Variants in WDPCP observed in about 807,000 individuals in gnomAD.
The protein encoded by WDPCP is WD repeat-containing and planar cell polarity effector protein fritz homolog.
A neutral mutation model predicts 93.1 loss-of-function variants in WDPCP; 71 were observed. The ratio of observed to expected loss-of-function variants is 0.76; its 90% CI spans 0.63 to 0.93. The LOEUF is 0.93. Among genes scored for constraint, WDPCP ranks in the 40% least tolerant of loss-of-function variants. The pLI, the probability that WDPCP is intolerant of heterozygous loss-of-function variation, is 0.00. For synonymous variants in WDPCP, 315 were observed against 315.0 expected, an observed-to-expected ratio of 1.00 and a Z score of 0.00; for missense variants, 844 against 887.4, an observed-to-expected ratio of 0.95 and a Z score of 0.62.
At chr2:63,708,622 G>A (rs963833612) in intron 2 of WDPCP, among the ~76,000 whole-genome samples, 1 of 152,076 alleles carries the variant, frequency 6.6e-6, no homozygotes, top group Non-Finnish European at 1.5e-5. Context: ...ACGGTGCACT[G>A]CACCCACTGT....
At chr2:63,437,620 G>T in intron 7 of WDPCP, 66 bp from the exon 8 acceptor site, 1 of 1,407,270 alleles carries the variant, frequency 7.1e-7, no homozygotes, top group Non-Finnish European at 9.7e-7. Flanking sequence ...CCACTGATAT[G>T]TTACAAAAAG....
chr2:63,403,221 A>G (rs574391342), intron 10 of WDPCP, among the ~76,000 whole-genome samples: 1 of 152,330 alleles, frequency 6.6e-6, no homozygotes, highest in African/African-American at 2.4e-5. Context: ...GAGCTAAATG[A>G]TAAAAACTTA....
chr2:63,426,684 C>A (rs1266455175), intron 9 of WDPCP, among the ~76,000 whole-genome samples: 1 of 152,174 alleles, frequency 6.6e-6, no homozygotes, highest in African/African-American at 2.4e-5. Flanking sequence ...GCTAGTAACA[C>A]AATGACAGCA....
chr2:63,759,326 C>T (rs1412444398), intron 2 of WDPCP, among the ~76,000 whole-genome samples: 2 of 152,102 alleles, frequency 1.3e-5, no homozygotes, highest in East Asian at 3.9e-4. Flanking sequence ...TGTATGGAGG[C>T]AGTAAGCTGG....
chr2:63,352,796 G>C (rs1689726888), intron 12 of WDPCP, among the ~76,000 whole-genome samples: 1 of 152,172 alleles, frequency 6.6e-6, no homozygotes, highest in Non-Finnish European at 1.5e-5. Flanking sequence ...TTCTCTACTT[G>C]AGGGTGCAAG....
chr2:63,750,261 A>C (rs753721242), intron 2 of WDPCP, among the ~76,000 whole-genome samples: 2 of 152,058 alleles, frequency 1.3e-5, no homozygotes, highest in Non-Finnish European at 2.9e-5. Context: ...CTTGCCTCAC[A>C]ATTTTGCCTA....
rs1047773832 is a variant in WDPCP at position 63,764,737 on chromosome 2, C to T, written n.308+48885G>A. Among the ~76,000 whole-genome samples the T allele has an allele frequency of 4.6e-5, 7 of 152,144 alleles. No homozygotes were observed. In the East Asian group the frequency reaches 7.7e-4, roughly 17 times the overall value. On this transcript the variant is annotated intron_variant and non_coding_transcript_variant, in intron 2 of 4. Transcript: ENST00000467687. Reference sequence around the variant, plus strand: ...TTTATTTAGGGGATGGACCGAGAGGCTTCCTGAGGAGAAAATCTATTTTAA... The same window carrying T: ...TTTATTTAGGGGATGGACCGAGAGGTTTCCTGAGGAGAAAATCTATTTTAA...
chr2:63,232,278 C>T (rs1678977618), intron 14 of WDPCP, among the ~76,000 whole-genome samples: 1 of 152,214 alleles, frequency 6.6e-6, no homozygotes, highest in South Asian at 2.1e-4. Flanking sequence ...TGGCCAAGGA[C>T]TTTGAGACAA....
chr2:63,149,386 A>T (rs1671746623), intron 17 of WDPCP, among the ~76,000 whole-genome samples: 1 of 152,234 alleles, frequency 6.6e-6, no homozygotes, highest in Admixed American at 6.5e-5. Context: ...CAAGATGTGG[A>T]GAAATGGAAA....
At position 63,763,202 on chromosome 2, in the gene WDPCP, C is replaced by CA. The variant is rs796161055; in HGVS notation, n.308+50419dup. 2.6e-5 allele frequency among the ~76,000 whole-genome samples: 4 copies of CA among 152,164 alleles called. 1 individual carries two copies. Among genetic ancestry groups the CA allele is most frequent in the African/African-American group, 9.6e-5 (4 of 41,520 alleles). On this transcript the variant is annotated intron_variant and non_coding_transcript_variant, in intron 2 of 4. Coordinates refer to the WDPCP transcript ENST00000467687. The stretch of plus-strand genomic sequence containing the variant: ...TACCCTGACTGACACACAGAAAGTA[C>CA]AAAAAGGTATTTGTTGATGGTCCGG...
intron 2 of WDPCP, among the ~76,000 whole-genome samples, chr2:63,793,352 A>G (rs912737616): frequency 6.6e-6 from 1 of 152,212 alleles, no homozygotes; most frequent in Non-Finnish European, 1.5e-5. Flanking sequence ...TCACACCTGT[A>G]GTCACAACCC....
chr2:63,243,124 T>G (rs1679990985), intron 14 of WDPCP, among the ~76,000 whole-genome samples: 1 of 152,198 alleles, frequency 6.6e-6, no homozygotes, highest in African/African-American at 2.4e-5. Context: ...CATATGTCAA[T>G]CTGACTTCTC....
upstream of WDPCP, among the ~76,000 whole-genome samples, chr2:63,592,303 CAATACA>C (rs1289320844): frequency 6.6e-6 from 1 of 152,166 alleles, no homozygotes; most frequent in Non-Finnish European, 1.5e-5. Context: ...CCAGTTTTCT[CAATACA>C]TAATATATAT....
chr2:63,606,863 A>G (rs375886443), intron 3 of WDPCP: 3 of 1,609,484 alleles, frequency 1.9e-6, no homozygotes, highest in African/African-American at 2.7e-5. Context: ...TTCAAACAGA[A>G]TAAGACCTGG....
chr2:63,350,851 A>G (rs140939125), intron 12 of WDPCP, among the ~76,000 whole-genome samples: 2 of 152,270 alleles, frequency 1.3e-5, no homozygotes, highest in African/African-American at 4.8e-5. Flanking sequence ...GCCAATTTAT[A>G]TACTTTTTAG....
At chr2:63,231,678 A>C (rs1288190834) in intron 14 of WDPCP, among the ~76,000 whole-genome samples, 1 of 152,212 alleles carries the variant, frequency 6.6e-6, no homozygotes, top group Non-Finnish European at 1.5e-5. Flanking sequence ...ATGAAATAAA[A>C]GAGGACACAA....
At chr2:63,283,997 A>G (rs1398713470) in intron 13 of WDPCP, among the ~76,000 whole-genome samples, 1 of 152,252 alleles carries the variant, frequency 6.6e-6, no homozygotes, top group African/African-American at 2.4e-5. Flanking sequence ...CAGTCAAAAA[A>G]GAAAATATAT....
chr2:63,387,675 T>G (rs1001483009), intron 10 of WDPCP, among the ~76,000 whole-genome samples: 1 of 151,934 alleles, frequency 6.6e-6, no homozygotes, highest in Non-Finnish European at 1.5e-5. Flanking sequence ...ATAGAAGACA[T>G]GAAGTCAAAC....
intron 2 of WDPCP, among the ~76,000 whole-genome samples, chr2:63,715,828 C>G (rs1669329373): frequency 6.6e-6 from 1 of 152,074 alleles, no homozygotes; most frequent in South Asian, 2.1e-4. Context: ...ATCAGAGAGG[C>G]AAGAACAATA....
Sources: gnomAD v4.1 joint callset for allele counts (sites outside exome capture counted in the v4.1 genomes callset) on GRCh38, gnomAD v4.1.1 for gene constraint, MANE v1.5 for transcripts, NCBI Gene and HGNC (gene_info 2026-07-23, HGNC 2026-07-21) for gene names.